SLC39A11: variants seen among roughly 807,000 people sequenced by gnomAD.
SLC39A11 encodes zinc transporter ZIP11.
In SLC39A11, 33 loss-of-function variants were observed where a neutral mutation model predicts 36.1. The observed-to-expected ratio is 0.91, with a 90% CI of 0.69 to 1.22. The LOEUF is 1.22. Among genes scored for constraint, SLC39A11 ranks in the 50% most tolerant of loss-of-function variants. The pLI, the probability that SLC39A11 is intolerant of heterozygous loss-of-function variation, is 0.00. For synonymous variants in SLC39A11, 166 were observed against 170.3 expected, an observed-to-expected ratio of 0.97 and a Z score of 0.20; for missense variants, 432 against 430.3, an observed-to-expected ratio of 1.00 and a Z score of -0.03.
At chr17:72,908,784 AT>A (rs1275748456) in intron 5 of SLC39A11, among the ~76,000 whole-genome samples, 3 of 152,184 alleles carry the variant, frequency 2.0e-5, no homozygotes, top group African/African-American at 7.2e-5. Flanking sequence ...GCAAATCCCA[AT>A]TGGATGGGTA....
At chr17:72,942,431 C>A (rs955453891) in intron 5 of SLC39A11, among the ~76,000 whole-genome samples, 1 of 152,134 alleles carries the variant, frequency 6.6e-6, no homozygotes, top group African/African-American at 2.4e-5. Flanking sequence ...TTTTAGAGAT[C>A]TTACCAATAA....
Position 73,022,595 on chromosome 17 carries a change from T to TAAAA in SLC39A11, c.306+8957_306+8960dup, listed in dbSNP as rs10675859. ...GGGAGACAAGAGCAAAACTCCATCT[T>TAAAA]AAAAAAAAAAAAAAAAAAAAAAAAA... On this transcript the variant is annotated intron_variant, in intron 4 of 9. Coordinates refer to ENST00000255559, the MANE Select transcript of SLC39A11 (RefSeq NM_139177.4). Among the ~76,000 whole-genome samples, 39 of 56,764 alleles carry TAAAA rather than the reference T, an allele frequency of 6.9e-4. 2 individuals are homozygous for TAAAA. The highest frequency in any genetic ancestry group is 6.4e-3 in the South Asian group (6 of 944). The allele number at this position is 56,764 out of a possible 152,430, so 37.2% of individuals were successfully genotyped here.
At chr17:73,030,497 C>A (rs1219477612) in intron 4 of SLC39A11, among the ~76,000 whole-genome samples, 1 of 152,202 alleles carries the variant, frequency 6.6e-6, no homozygotes, top group Non-Finnish European at 1.5e-5. Flanking sequence ...AGAACTTCAA[C>A]CTACCTACCT....
chr17:72,687,207 T>C (rs954842527), intron 7 of SLC39A11, among the ~76,000 whole-genome samples: 1 of 152,004 alleles, frequency 6.6e-6, no homozygotes, highest in African/African-American at 2.4e-5. Flanking sequence ...TTTTAAAAAA[T>C]TTTTGTAGAC....
intron 5 of SLC39A11, among the ~76,000 whole-genome samples, chr17:72,920,090 C>T (rs537187286): frequency 4.6e-5 from 7 of 152,190 alleles, no homozygotes; most frequent in Non-Finnish European, 7.4e-5. Flanking sequence ...TGTGCTTTCG[C>T]TAAACATTTA....
chr17:72,920,249 A>C (rs879789993), intron 5 of SLC39A11, among the ~76,000 whole-genome samples: 2 of 152,002 alleles, frequency 1.3e-5, no homozygotes, highest in Non-Finnish European at 2.9e-5. Context: ...AACTGAAGTC[A>C]GGTCACGTTC....
chr17:72,972,073 G>A (rs886175030), intron 4 of SLC39A11, among the ~76,000 whole-genome samples: 4 of 152,156 alleles, frequency 2.6e-5, no homozygotes, highest in African/African-American at 9.7e-5. Flanking sequence ...CCTTAGCAGT[G>A]GAAGGAACAG....
At chr17:72,781,921 T>G (rs886608932) in intron 6 of SLC39A11, among the ~76,000 whole-genome samples, 1 of 151,396 alleles carries the variant, frequency 6.6e-6, no homozygotes, top group South Asian at 2.1e-4. Context: ...ATAAAAGGAC[T>G]CCTCTGCACT....
At position 72,900,188 on chromosome 17, in the gene SLC39A11, A is replaced by G. The variant is rs28452767; in HGVS notation, c.430+47564T>C. 8.3e-3 allele frequency among the ~76,000 whole-genome samples: 1,136 copies of G among 137,592 alleles called. 183 individuals carry two copies. Among genetic ancestry groups the G allele is most frequent in the African/African-American group, 0.036 (1,060 of 29,352 alleles). The allele number at this position is 137,592 out of a possible 152,430, so 90.3% of individuals were successfully genotyped here. On this transcript the variant is annotated intron_variant, in intron 5 of 9. Transcript: ENST00000255559. ...AAGAAAGAAAGAAAGAAAGAAAGAA[A>G]GAAAGAAAGAAAGAAAGAAAGAAAG...
chr17:72,816,219 A>G (rs1038452379), intron 6 of SLC39A11, among the ~76,000 whole-genome samples: 1 of 152,200 alleles, frequency 6.6e-6, no homozygotes, highest in African/African-American at 2.4e-5. Flanking sequence ...TATTCTTCAG[A>G]TGGGACTTGA....
At chr17:73,061,385 G>A (rs753079532) in intron 3 of SLC39A11, among the ~76,000 whole-genome samples, 2 of 152,088 alleles carry the variant, frequency 1.3e-5, no homozygotes, top group Non-Finnish European at 2.9e-5. Context: ...CTCAGAACTC[G>A]TATGAAGAAA....
chr17:72,855,110 G>A (rs16977419), intron 5 of SLC39A11, among the ~76,000 whole-genome samples: 4,551 of 152,276 alleles, frequency 0.03, 213 homozygotes, highest in African/African-American at 0.1. Flanking sequence ...ATCAGCAACC[G>A]CCTTTGAAAG....
intron 7 of SLC39A11, chr17:72,713,077 G>A (rs1304703518): frequency 6.6e-6 from 1 of 152,432 alleles, no homozygotes; most frequent in African/African-American, 2.4e-5. Context: ...TAAGAGTCCA[G>A]GTACAGGGGA....
intron 4 of SLC39A11, among the ~76,000 whole-genome samples, chr17:72,973,976 T>C (rs1407888244): frequency 6.6e-6 from 1 of 152,126 alleles, no homozygotes; most frequent in African/African-American, 2.4e-5. Flanking sequence ...GACATGAAAG[T>C]CAACAGTGGG....
intron 4 of SLC39A11, among the ~76,000 whole-genome samples, chr17:73,021,424 C>T (rs995827346): frequency 7.9e-5 from 12 of 152,048 alleles, no homozygotes; most frequent in African/African-American, 2.7e-4. Flanking sequence ...ACTACAACCT[C>T]TGCCTCCTGG....
chr17:72,761,681 A>G (rs986023270), intron 6 of SLC39A11, among the ~76,000 whole-genome samples: 1 of 152,204 alleles, frequency 6.6e-6, no homozygotes, highest in African/African-American at 2.4e-5. Context: ...CGTGTCTGTC[A>G]AGCCCAAACT....
intron 6 of SLC39A11, among the ~76,000 whole-genome samples, chr17:72,771,242 G>A (rs2075925980): frequency 6.6e-6 from 1 of 151,980 alleles, no homozygotes; most frequent in African/African-American, 2.4e-5. Flanking sequence ...AAATTAGCTG[G>A]GAGTGGCGGC....
chr17:72,821,784 CA>C (rs2077792722), intron 6 of SLC39A11: 1 of 151,448 alleles, frequency 6.6e-6, no homozygotes, highest in Admixed American at 6.6e-5. Context: ...CCAGGCCTCA[CA>C]GACGGGCCCC....
chr17:72,862,453 C>A (rs1399989492), intron 5 of SLC39A11, among the ~76,000 whole-genome samples: 1 of 152,164 alleles, frequency 6.6e-6, no homozygotes, highest in Non-Finnish European at 1.5e-5. Context: ...TTGGTGAACC[C>A]TAAGAATTAA....
Sources: allele counts gnomAD v4.1 joint callset (sites outside exome capture counted in the v4.1 genomes callset), GRCh38; gene constraint gnomAD v4.1.1; transcripts MANE v1.5; gene names NCBI Gene and HGNC (gene_info 2026-07-23, HGNC 2026-07-21).